The following KCNH1 variants were observed in gnomAD, a reference collection of about 807,000 sequenced individuals.
KCNH1 encodes potassium voltage-gated channel subfamily H member 1.
In KCNH1, 27 loss-of-function variants were observed where a neutral mutation model predicts 69.2. That is an observed-to-expected ratio of 0.39 (90% confidence interval 0.29 to 0.54). KCNH1 has a LOEUF of 0.54. Ranked by LOEUF, KCNH1 falls within the 20% of genes least tolerant of loss-of-function variation. The pLI is 0.68. For missense variants in KCNH1, 798 were observed against 1,261.6 expected (o/e 0.63, Z 5.57); for synonymous variants, 456 against 487.7 (o/e 0.93, Z 0.86).
At chr1:210,712,473 G>T (rs1682102384) in intron 10 of KCNH1, among the ~76,000 whole-genome samples, 2 of 152,140 alleles carry the variant, frequency 1.3e-5, no homozygotes, top group Non-Finnish European at 2.9e-5. Flanking sequence ...CGAAGAGGCT[G>T]GGAGAAAGAA....
chr1:211,075,980 G>A (rs897685755), intron 5 of KCNH1, among the ~76,000 whole-genome samples: 4 of 152,202 alleles, frequency 2.6e-5, no homozygotes, highest in Non-Finnish European at 4.4e-5. Context: ...TGCTTACTGC[G>A]AGCACAGCAG....
chr1:210,967,877 T>G (rs1574367891), intron 6 of KCNH1, among the ~76,000 whole-genome samples: 2 of 152,200 alleles, frequency 1.3e-5, no homozygotes, highest in Middle Eastern at 6.8e-3. Context: ...TTCTTTTTTT[T>G]TTATTATACT....
intron 6 of KCNH1, among the ~76,000 whole-genome samples, chr1:210,933,524 T>C (rs201558802): frequency 8.5e-6 from 1 of 117,022 alleles, no homozygotes; most frequent in Non-Finnish European, 1.9e-5. Context: ...AATAATAAAA[T>C]TTAAAAAAAA....
chr1:211,079,388 A>T lies in KCNH1; in HGVS notation c.558+3392T>A, dbSNP rs147479195. 8.1e-3 allele frequency among the ~76,000 whole-genome samples: 1,236 copies of T among 152,366 alleles called. 23 individuals carry two copies. Among genetic ancestry groups the T allele is most frequent in the African/African-American group, 0.029 (1,189 of 41,582 alleles). On this transcript the variant is annotated intron_variant, in intron 5 of 10. Transcript: ENST00000271751. ...TTCACAGCGAAATTCTACCAGAGCTACAAAGAGGAGCTGGTACCATTCCTT... is the reference window on the plus strand; with the variant it reads ...TTCACAGCGAAATTCTACCAGAGCTTCAAAGAGGAGCTGGTACCATTCCTT...
intron 10 of KCNH1, among the ~76,000 whole-genome samples, chr1:210,768,879 T>C (rs1282464643): frequency 6.6e-6 from 1 of 152,168 alleles, no homozygotes. Flanking sequence ...TGAGGACCCA[T>C]GAAAGACTGC....
At chr1:210,775,792 A>G (rs1406689739) in intron 9 of KCNH1, among the ~76,000 whole-genome samples, 1 of 152,226 alleles carries the variant, frequency 6.6e-6, no homozygotes, top group Non-Finnish European at 1.5e-5. Context: ...TCACCTCCTC[A>G]AAGGGTTATC....
intron 10 of KCNH1, among the ~76,000 whole-genome samples, chr1:210,717,586 A>C (rs2149022708): frequency 6.6e-6 from 1 of 152,220 alleles, no homozygotes; most frequent in South Asian, 2.1e-4. Flanking sequence ...TCATCAGAAA[A>C]CCCAGTTGCT....
intron 6 of KCNH1, among the ~76,000 whole-genome samples, chr1:210,951,441 A>T (rs779969563): frequency 1.3e-5 from 2 of 152,196 alleles, no homozygotes; most frequent in Non-Finnish European, 2.9e-5. Flanking sequence ...CATGTAATTT[A>T]TGTAACAAGC....
intron 7 of KCNH1, among the ~76,000 whole-genome samples, chr1:210,813,506 T>C (rs933655324): frequency 6.6e-6 from 1 of 152,208 alleles, no homozygotes; most frequent in African/African-American, 2.4e-5. Flanking sequence ...CCAGACTTAG[T>C]CCTTATTCAA....
intron 10 of KCNH1, among the ~76,000 whole-genome samples, chr1:210,696,135 C>T (rs939866681): frequency 2.6e-5 from 4 of 152,220 alleles, no homozygotes. Context: ...GGACACAGGT[C>T]AAGCCAAGCT....
intron 6 of KCNH1, among the ~76,000 whole-genome samples, chr1:210,951,241 C>G (rs973030849): frequency 6.6e-6 from 1 of 152,022 alleles, no homozygotes; most frequent in African/African-American, 2.4e-5. Flanking sequence ...GTGTGCTGTG[C>G]GAAGAGTAGC....
At chr1:211,114,064 T>C (rs995633444) in intron 1 of KCNH1, among the ~76,000 whole-genome samples, 2 of 151,788 alleles carry the variant, frequency 1.3e-5, no homozygotes, top group African/African-American at 2.4e-5. Flanking sequence ...AGGTACCAAG[T>C]TTCATTCAAT....
intron 6 of KCNH1, among the ~76,000 whole-genome samples, chr1:210,985,661 T>C (rs1236676759): frequency 1.3e-5 from 2 of 152,226 alleles, no homozygotes; most frequent in South Asian, 4.1e-4. Context: ...TTTGTTATAA[T>C]TTCTGTTCTT....
intron 6 of KCNH1, among the ~76,000 whole-genome samples, chr1:210,985,757 C>A (rs1308154436): frequency 2.0e-5 from 3 of 152,122 alleles, no homozygotes; most frequent in Non-Finnish European, 4.4e-5. Context: ...AATGTATATT[C>A]TGTTGAGTCG....
chr1:210,940,390 G>A (rs1187422274), intron 6 of KCNH1, among the ~76,000 whole-genome samples: 4 of 152,220 alleles, frequency 2.6e-5, no homozygotes, highest in Admixed American at 2.6e-4. Flanking sequence ...ACCTGTGGGT[G>A]TGCATCAAGA....
intron 10 of KCNH1, among the ~76,000 whole-genome samples, chr1:210,738,236 T>G (rs1682925778): frequency 6.6e-6 from 1 of 152,190 alleles, no homozygotes; most frequent in African/African-American, 2.4e-5. Context: ...GAATCTAAGC[T>G]TTTGCTCAAA....
At chr1:210,791,779 C>T (rs1890840) in intron 9 of KCNH1, among the ~76,000 whole-genome samples, 26,456 of 152,082 alleles carry the variant, frequency 0.17, 2,393 homozygotes, top group Non-Finnish European at 0.2. Flanking sequence ...CCATGTTATG[C>T]TCTGGTGATT....
intron 9 of KCNH1, among the ~76,000 whole-genome samples, chr1:210,785,754 C>G (rs545459743): frequency 7.3e-4 from 111 of 152,202 alleles, no homozygotes; most frequent in African/African-American, 2.6e-3. Flanking sequence ...GATAGGTTTG[C>G]AGGGAGAACA....
At position 210,788,685 on chromosome 1, in the gene KCNH1, C is replaced by CTTTTTTTTTTTTTT. The variant is rs139485350; in HGVS notation, c.1915+8809_1915+8822dup. Among the ~76,000 whole-genome samples, 6 of 80,720 alleles carry CTTTTTTTTTTTTTT rather than the reference C, an allele frequency of 7.4e-5. 1 individual carries two copies. The highest frequency in any genetic ancestry group is 3.0e-4 in the African/African-American group (6 of 20,194). The allele number at this position is 80,720 out of a possible 152,430, so 53.0% of individuals were successfully genotyped here. On this transcript the variant is annotated intron_variant, in intron 9 of 10. Coordinates refer to ENST00000271751, the MANE Select transcript of KCNH1 (RefSeq NM_172362.3). ...AGATTATTCATATTATAGCTTCTTT[C>CTTTTTTTTTTTTTT]TTTTTTTTTTTTTTTTTTTTTTTTT... is the stretch of plus-strand genomic sequence containing the variant.
Sources: allele counts gnomAD v4.1 joint callset (sites outside exome capture counted in the v4.1 genomes callset), GRCh38; gene constraint gnomAD v4.1.1; transcripts MANE v1.5; gene names NCBI Gene and HGNC (gene_info 2026-07-23, HGNC 2026-07-21).